RBFOX1: variants seen among roughly 807,000 people sequenced by gnomAD.
RBFOX1 encodes RNA binding protein fox-1 homolog 1.
A neutral mutation model predicts 57.7 loss-of-function variants in RBFOX1; 8 were observed. That is an observed-to-expected ratio of 0.14 (90% CI 0.08 to 0.25). The LOEUF (loss-of-function observed/expected upper bound fraction) is 0.25, where lower values mean the gene tolerates loss of function less well. RBFOX1 is among the 10% of genes least tolerant of loss of function. The pLI, the probability that RBFOX1 is intolerant of heterozygous loss-of-function variation, is 1.00. For synonymous variants in RBFOX1, 326 were observed against 222.4 expected, an observed-to-expected ratio of 1.47 and a Z score of -4.15; for missense variants, 611 against 548.5, an observed-to-expected ratio of 1.11 and a Z score of -1.14.
At chr16:7,447,544 C>T (rs2098818605) in intron 4 of RBFOX1, among the ~76,000 whole-genome samples, 1 of 151,934 alleles carries the variant, frequency 6.6e-6, no homozygotes. Context: ...GTCTCTGAAG[C>T]CTAAGCCCAG....
chr16:6,210,957 G>T (rs747303935), intron 1 of RBFOX1, among the ~76,000 whole-genome samples: 3 of 152,036 alleles, frequency 2.0e-5, no homozygotes, highest in Admixed American at 2.0e-4. Flanking sequence ...TGCATTCCAA[G>T]TGTGCAGTTG....
chr16:5,449,511 T>A (rs1470519831), intron 1 of RBFOX1, among the ~76,000 whole-genome samples: 2 of 152,158 alleles, frequency 1.3e-5, no homozygotes, highest in African/African-American at 2.4e-5. Context: ...TTGCCCAAGA[T>A]CTAAAGGGTC....
intron 4 of RBFOX1, among the ~76,000 whole-genome samples, chr16:7,487,833 G>T (rs940649077): frequency 6.6e-6 from 1 of 152,062 alleles, no homozygotes; most frequent in Admixed American, 6.6e-5. Context: ...GAGGTCTTGG[G>T]TAGAAAAAAA....
chr16:7,653,707 C>A, intron 11 of RBFOX1, 108 bp from the exon 12 acceptor site: 1 of 1,505,964 alleles, frequency 6.6e-7, no homozygotes, highest in Non-Finnish European at 8.9e-7. Context: ...GGCGGGGGTC[C>A]TGCTGGGACC....
intron 12 of RBFOX1, among the ~76,000 whole-genome samples, chr16:7,655,242 G>A (rs1477995548): frequency 6.6e-6 from 1 of 152,206 alleles, no homozygotes; most frequent in African/African-American, 2.4e-5. Flanking sequence ...AAAAAGAAAT[G>A]AGAGTAGGTA....
chr16:6,446,074 C>T (rs2094479565), intron 2 of RBFOX1, among the ~76,000 whole-genome samples: 1 of 152,138 alleles, frequency 6.6e-6, no homozygotes, highest in Non-Finnish European at 1.5e-5. Context: ...AAGCAATCCT[C>T]CCACCTCAAC....
intron 10 of RBFOX1, among the ~76,000 whole-genome samples, chr16:7,608,268 C>G (rs1033146498): frequency 2.6e-5 from 4 of 152,184 alleles, no homozygotes; most frequent in Non-Finnish European, 5.9e-5. Flanking sequence ...TGTCATTTTC[C>G]TAATACTGAA....
intron 4 of RBFOX1, among the ~76,000 whole-genome samples, chr16:7,227,169 T>G (rs2093177594): frequency 6.6e-6 from 1 of 152,188 alleles, no homozygotes; most frequent in African/African-American, 2.4e-5. Flanking sequence ...GTCACTCATG[T>G]ACATGGTAGC....
chr16:6,383,318 G>C (rs1048032396), intron 2 of RBFOX1, among the ~76,000 whole-genome samples: 3 of 152,208 alleles, frequency 2.0e-5, no homozygotes, highest in Non-Finnish European at 1.5e-5. Flanking sequence ...CTCTTTGTCA[G>C]AAAACCTATG....
At chr16:7,259,346 C>T (rs1185944440) in intron 4 of RBFOX1, among the ~76,000 whole-genome samples, 1 of 152,064 alleles carries the variant, frequency 6.6e-6, no homozygotes, top group Admixed American at 6.6e-5. Flanking sequence ...TATCTTTAAC[C>T]AAAAGCGAAT....
At chr16:7,009,104 C>T (rs1308921077) in intron 3 of RBFOX1, among the ~76,000 whole-genome samples, 2 of 2,132 alleles carry the variant, frequency 9.4e-4, no homozygotes, top group Non-Finnish European at 1.9e-3. Flanking sequence ...CTCCCTCCCT[C>T]CCTCCCTTCC....
intron 1 of RBFOX1, among the ~76,000 whole-genome samples, chr16:6,168,818 CTT>C (rs1027823436): frequency 8.3e-5 from 12 of 143,854 alleles, no homozygotes; most frequent in Admixed American, 4.9e-4. Context: ...CACTTTTTTA[CTT>C]TTTTTTTTTT....
intron 2 of RBFOX1, among the ~76,000 whole-genome samples, chr16:5,553,443 G>A (rs1359602672): frequency 2.0e-5 from 3 of 151,750 alleles, no homozygotes; most frequent in African/African-American, 7.3e-5. Flanking sequence ...AGCCTCCCGA[G>A]TAGCTGGGAC....
intron 3 of RBFOX1, among the ~76,000 whole-genome samples, chr16:5,647,435 T>C (rs1385833386): frequency 6.6e-6 from 1 of 152,236 alleles, no homozygotes; most frequent in Admixed American, 6.5e-5. Flanking sequence ...TCATGTTTCA[T>C]GTTTTTGGCA....
intron 2 of RBFOX1, 86 bp downstream of exon 2, chr16:6,317,143 G>A (rs1194061953): frequency 2.9e-5 from 38 of 1,296,334 alleles, no homozygotes; most frequent in Non-Finnish European, 3.9e-5. Context: ...TTTTCTGCAG[G>A]TTTGAAGTTG....
intron 2 of RBFOX1, among the ~76,000 whole-genome samples, chr16:6,580,271 T>TA (rs2097517874): frequency 6.6e-6 from 1 of 152,200 alleles, no homozygotes; most frequent in East Asian, 1.9e-4. Flanking sequence ...CTGTTCATCT[T>TA]TTAAGGGTTT....
At chr16:5,314,443 G>A (rs775989346) in intron 1 of RBFOX1, among the ~76,000 whole-genome samples, 23 of 152,222 alleles carry the variant, frequency 1.5e-4, no homozygotes, top group Non-Finnish European at 2.6e-4. Context: ...AGGGCTGACC[G>A]CTTCACTAGG....
At chr16:7,235,877 C>T (rs1004597678) in intron 4 of RBFOX1, among the ~76,000 whole-genome samples, 1 of 152,166 alleles carries the variant, frequency 6.6e-6, no homozygotes, top group African/African-American at 2.4e-5. Context: ...CAGTGTGGAT[C>T]CATATAAATA....
intron 4 of RBFOX1, among the ~76,000 whole-genome samples, chr16:7,228,023 C>T (rs1385743898): frequency 6.6e-6 from 1 of 152,122 alleles, no homozygotes; most frequent in African/African-American, 2.4e-5. Flanking sequence ...CAGTAGCACC[C>T]ACCCACCAGG....
Sources: allele counts gnomAD v4.1 joint callset (sites outside exome capture counted in the v4.1 genomes callset), GRCh38; gene constraint gnomAD v4.1.1; transcripts MANE v1.5; gene names NCBI Gene and HGNC (gene_info 2026-07-23, HGNC 2026-07-21).